The following GABPB1 variants were observed in gnomAD, a reference collection of about 807,000 sequenced individuals.
GABPB1 encodes GA-binding protein subunit beta-1.
Under a neutral mutation model 45.9 loss-of-function variants are expected in GABPB1, and 15 were observed. The ratio of observed to expected loss-of-function variants is 0.33; its 90% CI spans 0.22 to 0.50. The LOEUF (loss-of-function observed/expected upper bound fraction) is 0.50. GABPB1 is among the 20% of genes least tolerant of loss of function. The pLI is 0.98. For missense variants in GABPB1, 252 were observed against 457.5 expected, an observed-to-expected ratio of 0.55 and a Z score of 4.10; for synonymous variants, 143 against 154.4, an observed-to-expected ratio of 0.93 and a Z score of 0.55.
At chr15:50,290,968 A>G (rs187411520) in intron 6 of GABPB1, among the ~76,000 whole-genome samples, 12 of 152,364 alleles carry the variant, frequency 7.9e-5, no homozygotes, top group Non-Finnish European at 1.6e-4. Flanking sequence ...AGAAGAATAT[A>G]CATGGTAGCT....
chr15:50,291,579 G>A (rs1407335277), intron 6 of GABPB1, among the ~76,000 whole-genome samples: 2 of 151,196 alleles, frequency 1.3e-5, no homozygotes, highest in Non-Finnish European at 2.9e-5. Context: ...GCCTGCCTTG[G>A]CCTCCCAAAG....
In GABPB1 at chr15:50,277,945, T is replaced by G. The variant is rs573490838; in HGVS notation, c.*687A>C. The G allele has an allele frequency of 2.7e-4, 41 of 152,530 alleles. No individual in the cohort carries two copies. The highest frequency in any genetic ancestry group is 9.9e-4 in the African/African-American group (41 of 41,534). The allele number at this position is 152,530 out of a possible 1,614,324, so 9.4% of individuals were successfully genotyped here. ...ACAGAGTAAAGGGGTTTTGTTTTTG[T>G]TTTTTTCTGGTCACTTTCATCATTT... On this transcript the variant is annotated 3_prime_UTR_variant, in exon 9 of 9. Coordinates refer to ENST00000380877, the MANE Select transcript of GABPB1 (RefSeq NM_016654.5).
intron 1 of GABPB1, among the ~76,000 whole-genome samples, chr15:50,334,723 T>A (rs900018361): frequency 5.3e-5 from 8 of 152,092 alleles, no homozygotes; most frequent in South Asian, 2.1e-4. Flanking sequence ...TTGCCCAGGC[T>A]GGCCTCAAAC....
rs769561330 is a variant in GABPB1, at chr15:50,289,515, G to C, written c.851C>G (p.Pro284Arg). 6.2e-7 allele frequency: 1 copy of C among 1,612,688 alleles called. No individual in the cohort carries two copies. The highest frequency in any genetic ancestry group is 8.5e-7 in the Non-Finnish European group (1 of 1,179,426). Residue 284 changes from proline (P) to arginine (R), a missense_variant, in exon 7 of 9, where the codon CCC becomes CGC. By Grantham distance (103) the Pro-to-Arg change is moderately radical. Coordinates refer to ENST00000380877, the MANE Select transcript of GABPB1 (RefSeq NM_016654.5). ...TCCATCTGGCATGGTCACAATGATG[G>C]GCTGACCAATTCCACTGGTTGGAAT... Reference protein sequence around the residue: ...HSIPTSGIGQPIIVTMPDGQQ... With the variant: ...HSIPTSGIGQRIIVTMPDGQQ...
At chr15:50,297,672 T>C (rs2046570405) in intron 6 of GABPB1, among the ~76,000 whole-genome samples, 1 of 152,034 alleles carries the variant, frequency 6.6e-6, no homozygotes, top group Admixed American at 6.6e-5. Context: ...CCATCTCTAC[T>C]AAAAATACAA....
chr15:50,295,988 T>C (rs149433185), intron 6 of GABPB1, among the ~76,000 whole-genome samples: 19 of 152,298 alleles, frequency 1.2e-4, no homozygotes, highest in Non-Finnish European at 2.6e-4. Flanking sequence ...GTGGTATATG[T>C]CAAAAATGGT....
chr15:50,300,735 G>A, intron 6 of GABPB1, 54 bp downstream of exon 6: 1 of 1,120,512 alleles, frequency 8.9e-7, no homozygotes, highest in South Asian at 1.2e-5. Context: ...GTGAGCCACG[G>A]CACCCAGCCT....
At chr15:50,310,755 G>A (rs2047104340) in intron 1 of GABPB1, among the ~76,000 whole-genome samples, 1 of 152,080 alleles carries the variant, frequency 6.6e-6, no homozygotes, top group African/African-American at 2.4e-5. Context: ...GAGGCAGGTG[G>A]ATCCTTGAGG....
At chr15:50,315,004 GT>G (rs2047266803) in intron 1 of GABPB1, among the ~76,000 whole-genome samples, 1 of 152,152 alleles carries the variant, frequency 6.6e-6, no homozygotes, top group Non-Finnish European at 1.5e-5. Context: ...ATCTAATGTA[GT>G]GTGCTCAAGT....
chr15:50,287,980 G>A (rs1413693104), intron 7 of GABPB1, among the ~76,000 whole-genome samples: 1 of 152,136 alleles, frequency 6.6e-6, no homozygotes, highest in Admixed American at 6.5e-5. Flanking sequence ...TGGTTTAGGC[G>A]AAGTTCTACC....
chr15:50,350,031 C>A (rs1460729651), intron 1 of GABPB1: 1 of 152,080 alleles, frequency 6.6e-6, no homozygotes, highest in Non-Finnish European at 1.5e-5. Context: ...ACCAAGACAT[C>A]CTTTCATGTC....
intron 6 of GABPB1, among the ~76,000 whole-genome samples, chr15:50,293,628 T>C (rs2046419772): frequency 6.6e-6 from 1 of 152,198 alleles, no homozygotes; most frequent in Non-Finnish European, 1.5e-5. Context: ...AAAAGAAATA[T>C]TCACTTGAAC....
chr15:50,286,851 C>T (rs1231711182), intron 7 of GABPB1, among the ~76,000 whole-genome samples: 1 of 152,096 alleles, frequency 6.6e-6, no homozygotes, highest in African/African-American at 2.4e-5. Flanking sequence ...CTTTGCACAG[C>T]ACTACAGGAA....
chr15:50,331,859 T>G (rs2047958244), intron 1 of GABPB1, among the ~76,000 whole-genome samples: 1 of 140,054 alleles, frequency 7.1e-6, no homozygotes, highest in South Asian at 2.2e-4. Context: ...TCCCGTTCAG[T>G]TTTTTTTTTT....
chr15:50,299,525 G>A (rs1283520851), intron 6 of GABPB1, among the ~76,000 whole-genome samples: 7 of 151,982 alleles, frequency 4.6e-5, no homozygotes, highest in East Asian at 3.9e-4. Context: ...TCAGCCTCCC[G>A]AGTAGCTGGG....
chr15:50,293,556 A>T (rs1173421875), intron 6 of GABPB1, among the ~76,000 whole-genome samples: 1 of 152,260 alleles, frequency 6.6e-6, no homozygotes, highest in Non-Finnish European at 1.5e-5. Context: ...CAACAGAGCT[A>T]CTACTAGGAT....
intron 1 of GABPB1, among the ~76,000 whole-genome samples, chr15:50,324,270 A>G (rs375721179): frequency 1.3e-5 from 2 of 152,166 alleles, no homozygotes; most frequent in African/African-American, 4.8e-5. Context: ...GTAAGTGCTC[A>G]ATAAATCTGA....
chr15:50,352,941 A>G (rs572927232), intron 1 of GABPB1: 44 of 152,340 alleles, frequency 2.9e-4, no homozygotes, highest in Admixed American at 7.2e-4. Flanking sequence ...TGATTCAGAG[A>G]GACAAAGAAC....
At chr15:50,332,138 G>C (rs2047969781) in intron 1 of GABPB1, among the ~76,000 whole-genome samples, 1 of 152,068 alleles carries the variant, frequency 6.6e-6, no homozygotes, top group Non-Finnish European at 1.5e-5. Context: ...GCCTCCCAAA[G>C]TGCTGAGATT....
Sources: gnomAD v4.1 joint callset for allele counts (sites outside exome capture counted in the v4.1 genomes callset) on GRCh38, gnomAD v4.1.1 for gene constraint, MANE v1.5 for transcripts, NCBI Gene and HGNC (gene_info 2026-07-23, HGNC 2026-07-21) for gene names.